NARS2: variants seen among roughly 807,000 people sequenced by gnomAD.
NARS2 encodes asparaginyl-tRNA synthetase 2, mitochondrial, also known as asparaginyl-tRNA synthetase.
NARS2 carries 60 observed loss-of-function variants against 62.9 expected under a neutral mutation model. The observed-to-expected ratio is 0.95, with a 90% CI of 0.77 to 1.18. The LOEUF (loss-of-function observed/expected upper bound fraction) is 1.18, where lower values mean the gene tolerates loss of function less well. Ranked by LOEUF, NARS2 falls within the 50% of genes most tolerant of loss-of-function variation. The probability of loss-of-function intolerance (pLI) is 0.00; values close to 1 mark genes in which losing one functional copy is unlikely to be tolerated. For synonymous variants in NARS2, 196 were observed against 200.0 expected (o/e 0.98, Z 0.17); for missense variants, 619 against 576.4 (o/e 1.07, Z -0.76).
At chr11:78,450,687 T>C (rs1309251313) in intron 11 of NARS2, among the ~76,000 whole-genome samples, 1 of 149,396 alleles carries the variant, frequency 6.7e-6, no homozygotes, top group African/African-American at 2.5e-5. Flanking sequence ...TTTTTTTTTT[T>C]TTCCTGAGAC....
intron 5 of NARS2, among the ~76,000 whole-genome samples, chr11:78,531,314 C>A (rs535272327): frequency 8.6e-5 from 13 of 151,596 alleles, no homozygotes; most frequent in African/African-American, 3.1e-4. Flanking sequence ...CCAGAGTAGA[C>A]CATATAATAG....
chr11:78,443,677 C>G lies in NARS2; in HGVS notation c.1246G>C (p.Glu416Gln), dbSNP rs779128703. Residue 416 changes from glutamate to glutamine, a missense_variant, in exon 12 of 14, where the codon GAG becomes CAG. Glu to Gln is a conservative substitution (Grantham distance 29). Coordinates refer to ENST00000281038, the MANE Select transcript of NARS2 (RefSeq NM_024678.6). ...GACCAGTACCTGGCTAAGCGCTCCT[C>G]TAAGAAATGGTATCGTTCTTCTCTG... The part of the protein sequence containing the change: ...GLREERYHFL[E>Q]ERLARSGLTE... 2.0e-5 allele frequency: 33 copies of G among 1,612,856 alleles called. No homozygotes were observed. Among genetic ancestry groups the G allele is most frequent in the Non-Finnish European group, 4.2e-6 (5 of 1,179,110 alleles).
chr11:78,445,778 C>T (rs971989631), intron 11 of NARS2, among the ~76,000 whole-genome samples: 5 of 152,026 alleles, frequency 3.3e-5, no homozygotes, highest in South Asian at 4.1e-4. Flanking sequence ...AGCAAGACTC[C>T]GTCCCTACAA....
At chr11:78,568,587 T>G in intron 3 of NARS2, 45 bp downstream of exon 3, 1 of 1,583,416 alleles carries the variant, frequency 6.3e-7, no homozygotes, top group Non-Finnish European at 8.6e-7. Flanking sequence ...ATTGCTGTCT[T>G]AATTAAAGCC....
At chr11:78,570,418 G>A (rs1472731277) in intron 2 of NARS2, among the ~76,000 whole-genome samples, 1 of 152,030 alleles carries the variant, frequency 6.6e-6, no homozygotes, top group Admixed American at 6.5e-5. Context: ...TTGGAGACAG[G>A]GCTCTATCAC....
At chr11:78,567,735 T>C (rs1330501268) in intron 3 of NARS2, among the ~76,000 whole-genome samples, 1 of 152,244 alleles carries the variant, frequency 6.6e-6, no homozygotes, top group Non-Finnish European at 1.5e-5. Flanking sequence ...TCCTTACATT[T>C]CTTCCTATTA....
intron 9 of NARS2, among the ~76,000 whole-genome samples, chr11:78,473,776 G>A (rs901657585): frequency 6.6e-6 from 1 of 152,156 alleles, no homozygotes; most frequent in Non-Finnish European, 1.5e-5. Context: ...TCAATTTTCT[G>A]TTTGTTTGCT....
At chr11:78,523,903 C>T (rs1861212861) in intron 6 of NARS2, among the ~76,000 whole-genome samples, 1 of 152,030 alleles carries the variant, frequency 6.6e-6, no homozygotes, top group Admixed American at 6.5e-5. Flanking sequence ...GGAAAGTATT[C>T]TAAAATTATG....
chr11:78,510,677 C>T (rs1290316345), intron 6 of NARS2, among the ~76,000 whole-genome samples: 1 of 152,118 alleles, frequency 6.6e-6, no homozygotes, highest in Non-Finnish European at 1.5e-5. Context: ...CAAACTAAAA[C>T]TGAATATATA....
At chr11:78,481,261 T>C (rs939251392) in intron 7 of NARS2, among the ~76,000 whole-genome samples, 2 of 152,034 alleles carry the variant, frequency 1.3e-5, no homozygotes, top group Admixed American at 6.6e-5. Flanking sequence ...GAGAGGGGTA[T>C]AGGGGTAAGG....
intron 7 of NARS2, among the ~76,000 whole-genome samples, chr11:78,484,396 T>A (rs1400070804): frequency 6.6e-6 from 1 of 152,066 alleles, no homozygotes; most frequent in Non-Finnish European, 1.5e-5. Flanking sequence ...AAATGGAATC[T>A]AATTAAACTA....
Position 78,527,760 on chromosome 11 carries a change from TTTAAA to T in NARS2, c.689+1077_689+1081del, listed in dbSNP as rs2135425128. 2.6e-5 allele frequency among the ~76,000 whole-genome samples: 4 copies of T among 152,252 alleles called. 1 individual carries two copies. Among genetic ancestry groups the T allele is most frequent in the Admixed American group, 2.6e-4 (4 of 15,278 alleles). ...TCCTAATCTCTATAATGAGAAAATA[TTTAAA>T]GAAAAAGATACATAAAGAAAACTCA... On this transcript the variant is annotated intron_variant, in intron 6 of 13. Coordinates refer to ENST00000281038, the MANE Select transcript of NARS2 (RefSeq NM_024678.6).
chr11:78,444,729 A>C (rs1565202538), intron 11 of NARS2, among the ~76,000 whole-genome samples: 1 of 146,254 alleles, frequency 6.8e-6, no homozygotes, highest in African/African-American at 2.6e-5. Context: ...AAACAAAACA[A>C]AAAAAAAAAA....
intron 9 of NARS2, among the ~76,000 whole-genome samples, chr11:78,476,916 G>A (rs139555067): frequency 4.6e-5 from 7 of 152,286 alleles, no homozygotes; most frequent in African/African-American, 1.7e-4. Context: ...TTTGAAATCA[G>A]ATGAACATGA....
At chr11:78,500,318 A>T (rs773417704) in intron 6 of NARS2, among the ~76,000 whole-genome samples, 2 of 152,220 alleles carry the variant, frequency 1.3e-5, no homozygotes, top group African/African-American at 4.8e-5. Flanking sequence ...GAGGGTGAGT[A>T]TATAAATGTC....
intron 3 of NARS2, among the ~76,000 whole-genome samples, chr11:78,567,282 C>G (rs1286857273): frequency 1.3e-5 from 2 of 152,152 alleles, no homozygotes; most frequent in Non-Finnish European, 2.9e-5. Flanking sequence ...TCTTCCACAA[C>G]AATGGCCAGG....
intron 6 of NARS2, among the ~76,000 whole-genome samples, chr11:78,528,137 G>A (rs1343022302): frequency 1.3e-5 from 2 of 152,154 alleles, no homozygotes; most frequent in East Asian, 3.8e-4. Context: ...TCAGAAGGCT[G>A]AGGCAGGAGA....
In NARS2 at chr11:78,550,408, C is replaced by T. The variant is rs138438127; in HGVS notation, c.594+9131G>A. Among the ~76,000 whole-genome samples the T allele has an allele frequency of 5.0e-3, 766 of 152,224 alleles. 4 individuals carry two copies. Among genetic ancestry groups the T allele is most frequent in the African/African-American group, 0.018 (743 of 41,542 alleles). On this transcript the variant is annotated intron_variant, in intron 5 of 13. Transcript: ENST00000281038. ...TTCAGTCATTTTCTGTCTATAAAAC[C>T]TCAGGTCAGCTCATCAGAATACATT... is the stretch of plus-strand genomic sequence containing the variant.
intron 5 of NARS2, among the ~76,000 whole-genome samples, chr11:78,540,419 T>G (rs970070143): frequency 6.6e-6 from 1 of 152,206 alleles, no homozygotes; most frequent in Non-Finnish European, 1.5e-5. Context: ...GTAAAATATA[T>G]AGCAAGGAGC....
Sources: allele counts gnomAD v4.1 joint callset (sites outside exome capture counted in the v4.1 genomes callset), GRCh38; gene constraint gnomAD v4.1.1; transcripts MANE v1.5; gene names NCBI Gene and HGNC (gene_info 2026-07-23, HGNC 2026-07-21).